The following COL24A1 variants were observed in gnomAD, a reference collection of about 807,000 sequenced individuals.
COL24A1 encodes collagen alpha-1(XXIV) chain.
In COL24A1, 224 loss-of-function variants were observed where a neutral mutation model predicts 253.9. The observed-to-expected ratio is 0.88, with a 90% CI of 0.79 to 0.99. The LOEUF is 0.99. Among genes scored for constraint, COL24A1 ranks in the 50% least tolerant of loss-of-function variants. The pLI is 0.00. For synonymous variants in COL24A1, 685 were observed against 673.7 expected (o/e 1.02, Z -0.26); for missense variants, 2,131 against 2,068.5 (o/e 1.03, Z -0.59).
chr1:85,923,769 G>C (rs1015623932), intron 24 of COL24A1, among the ~76,000 whole-genome samples: 1 of 152,070 alleles, frequency 6.6e-6, no homozygotes, highest in East Asian at 1.9e-4. Flanking sequence ...AACTATAGAA[G>C]CAAGGGCAAA....
Position 86,125,635 on chromosome 1 carries a change from TAGTCTGCAGATGCTTCTGCAGA to T in COL24A1, c.679_700del (p.Ser227ThrfsTer5). The T allele has an allele frequency of 4.3e-6, 7 of 1,612,074 alleles. No homozygotes were observed. Among genetic ancestry groups the T allele is most frequent in the Non-Finnish European group, 5.9e-6 (7 of 1,178,506 alleles). On this transcript the variant is annotated frameshift_variant, in exon 3 of 60. Transcript: ENST00000370571. LOFTEE classifies it high-confidence loss of function. ...ACACTGCTGTTTCACATATCTGCAG[TAGTCTGCAGATGCTTCTGCAGA>T]AGGAATAATATCTAACTGACATACT...
chr1:86,023,188 C>T (rs1697719961), intron 14 of COL24A1, among the ~76,000 whole-genome samples, 181 bp from the exon 15 acceptor site: 1 of 152,054 alleles, frequency 6.6e-6, no homozygotes, highest in African/African-American at 2.4e-5. Context: ...TATTTCAAAC[C>T]TTAGTGAAGT....
intron 52 of COL24A1, 32 bp downstream of exon 52, chr1:85,781,188 A>T: frequency 6.8e-7 from 1 of 1,469,858 alleles, no homozygotes. Context: ...GAAAAAAAAG[A>T]GTACAAAAGA....
At chr1:86,101,644 T>A (rs1175163988) in intron 5 of COL24A1, among the ~76,000 whole-genome samples, 1 of 152,212 alleles carries the variant, frequency 6.6e-6, no homozygotes, top group East Asian at 1.9e-4. Flanking sequence ...ATTGAGATAA[T>A]CATGTGGTTT....
intron 59 of COL24A1, among the ~76,000 whole-genome samples, chr1:85,731,880 C>T (rs1663509823): frequency 6.6e-6 from 1 of 152,090 alleles, no homozygotes; most frequent in African/African-American, 2.4e-5. Flanking sequence ...AAAATTTCCA[C>T]TTGATTAGTG....
intron 14 of COL24A1, chr1:86,030,739 C>A (rs1480864289): frequency 1.4e-5 from 2 of 145,214 alleles, no homozygotes; most frequent in African/African-American, 5.2e-5. Flanking sequence ...GGCTAATTTT[C>A]TTTTTTCTTT....
intron 24 of COL24A1, among the ~76,000 whole-genome samples, chr1:85,935,834 G>C (rs746207808): frequency 6.8e-6 from 1 of 147,598 alleles, no homozygotes; most frequent in Non-Finnish European, 1.5e-5. Context: ...TAGAGCAGTA[G>C]TGGTGGAAAC....
chr1:85,917,038 T>C (rs944136878), intron 24 of COL24A1, among the ~76,000 whole-genome samples: 5 of 152,236 alleles, frequency 3.3e-5, no homozygotes, highest in Admixed American at 1.3e-4. Context: ...ATTCATACAA[T>C]AAAGAAAACT....
intron 19 of COL24A1, among the ~76,000 whole-genome samples, chr1:86,006,175 A>G (rs1165350410): frequency 6.6e-6 from 1 of 152,228 alleles, no homozygotes; most frequent in African/African-American, 2.4e-5. Context: ...TAAACTTTAT[A>G]CAGAGAGGCA....
chr1:86,071,041 T>C (rs1033526685), intron 7 of COL24A1, among the ~76,000 whole-genome samples: 1 of 151,964 alleles, frequency 6.6e-6, no homozygotes, highest in African/African-American at 2.4e-5. Flanking sequence ...TTACAAGACA[T>C]AGACAGTATA....
At chr1:85,784,764 T>G (rs185512227) in intron 48 of COL24A1, among the ~76,000 whole-genome samples, 3 of 152,268 alleles carry the variant, frequency 2.0e-5, no homozygotes, top group Admixed American at 2.0e-4. Context: ...GGGGTCTTGC[T>G]CTGTTGCCCA....
chr1:86,028,165 C>T (rs1292623408), intron 14 of COL24A1, among the ~76,000 whole-genome samples: 1 of 152,132 alleles, frequency 6.6e-6, no homozygotes, highest in Non-Finnish European at 1.5e-5. Flanking sequence ...CTTGCCTTGT[C>T]TCAGATAAGA....
intron 28 of COL24A1, 80 bp downstream of exon 28, chr1:85,907,114 G>T: frequency 1.8e-6 from 2 of 1,114,916 alleles, no homozygotes; most frequent in South Asian, 1.3e-5. Flanking sequence ...AAGGTATGAT[G>T]CTATTTTTGT....
chr1:86,004,161 A>G (rs189560893), intron 19 of COL24A1, among the ~76,000 whole-genome samples: 277 of 152,324 alleles, frequency 1.8e-3, no homozygotes, highest in Middle Eastern at 6.8e-3. Context: ...TCCACGAAGA[A>G]GGCAACCAGC....
At chr1:85,890,454 G>T (rs1682999822) in intron 31 of COL24A1, among the ~76,000 whole-genome samples, 1 of 147,192 alleles carries the variant, frequency 6.8e-6, no homozygotes, top group South Asian at 2.2e-4. Flanking sequence ...TTGTGAAATA[G>T]TATCCCATGG....
chr1:85,971,421 T>C (rs1220848213), intron 20 of COL24A1, 28 bp from the exon 21 acceptor site: 3 of 1,533,724 alleles, frequency 2.0e-6, no homozygotes, highest in Admixed American at 3.6e-5. Flanking sequence ...ATGCACACAA[T>C]AGAAATTTTA....
At chr1:85,767,886 A>G (rs989550996) in intron 53 of COL24A1, among the ~76,000 whole-genome samples, 2 of 152,206 alleles carry the variant, frequency 1.3e-5, no homozygotes, top group African/African-American at 4.8e-5. Flanking sequence ...ATTACCTATT[A>G]CATGGCAAGT....
intron 24 of COL24A1, among the ~76,000 whole-genome samples, chr1:85,939,157 A>G (rs1241486213): frequency 6.6e-6 from 1 of 152,178 alleles, no homozygotes; most frequent in Non-Finnish European, 1.5e-5. Context: ...AGTAGACTAG[A>G]TACATAAAAC....
At chr1:85,739,147 A>T (rs923640554) in intron 57 of COL24A1, among the ~76,000 whole-genome samples, 4 of 152,204 alleles carry the variant, frequency 2.6e-5, no homozygotes, top group African/African-American at 9.7e-5. Flanking sequence ...TTTCATCAGA[A>T]TCTGATGAGG....
Sources: allele counts gnomAD v4.1 joint callset (sites outside exome capture counted in the v4.1 genomes callset), GRCh38; gene constraint gnomAD v4.1.1; transcripts MANE v1.5; gene names NCBI Gene and HGNC (gene_info 2026-07-23, HGNC 2026-07-21).